The following CTIF variants were observed in gnomAD, a reference collection of about 807,000 sequenced individuals.
CTIF encodes cap binding complex dependent translation initiation factor.
In CTIF, 21 loss-of-function variants were observed where a neutral mutation model predicts 66.0. The observed-to-expected ratio is 0.32, with a 90% CI of 0.23 to 0.46. CTIF has a LOEUF of 0.46. Ranked by LOEUF, CTIF falls within the 20% of genes least tolerant of loss-of-function variation. The probability of loss-of-function intolerance (pLI) is 1.00; values close to 1 mark genes in which losing one functional copy is unlikely to be tolerated. For synonymous variants in CTIF, 345 were observed against 326.4 expected (o/e 1.06, Z -0.62); for missense variants, 739 against 812.7 (o/e 0.91, Z 1.10).
chr18:48,761,564 A>C lies in CTIF; in HGVS notation c.1246A>C (p.Thr416Pro). 6.2e-7 allele frequency: 1 copy of C among 1,614,228 alleles called. No individual in the cohort carries two copies. The highest frequency in any genetic ancestry group is 8.5e-7 in the Non-Finnish European group (1 of 1,180,048). Residue 416 changes from threonine to proline, a missense_variant, in exon 9 of 12, where the codon ACA (threonine) becomes CCA (proline). Thr to Pro is a conservative substitution (Grantham distance 38). This residue lies in a region of CTIF where 210 missense variants were observed against 292.3 expected (regional missense o/e 0.72). Coordinates refer to ENST00000256413, the MANE Select transcript of CTIF (RefSeq NM_014772.3). The surrounding 1 kb of genome is among the most constrained non-coding windows in gnomAD (Gnocchi z 4.2). ...GGAGATGCTGGGCGAGATCGTGCGC[A>C]CAATCTACCAGAAGGCTGTGTCCGA... ...SEEMLGEIVR[T>P]IYQKAVSDRS...
At chr18:48,661,205 A>G (rs1014674529) in intron 3 of CTIF, among the ~76,000 whole-genome samples, 7 of 152,334 alleles carry the variant, frequency 4.6e-5, no homozygotes, top group South Asian at 4.1e-4. Context: ...AGCAGTGACC[A>G]AGAGGTGATC....
intron 1 of CTIF, among the ~76,000 whole-genome samples, chr18:48,555,662 G>A (rs1436585649): frequency 4.6e-5 from 7 of 152,214 alleles, no homozygotes; most frequent in African/African-American, 1.7e-4. Flanking sequence ...TTTTGCTCAG[G>A]AAGCAGAGAT....
chr18:48,664,358 T>C (rs949506721), intron 4 of CTIF, 89 bp from the exon 5 acceptor site: 1 of 1,179,452 alleles, frequency 8.5e-7, no homozygotes, highest in Non-Finnish European at 1.3e-6. Context: ...GCGGATCTGC[T>C]CTGCCAGGTT....
chr18:48,583,607 C>T (rs916450867), intron 1 of CTIF, among the ~76,000 whole-genome samples: 1 of 152,174 alleles, frequency 6.6e-6, no homozygotes, highest in Non-Finnish European at 1.5e-5. Context: ...TCCTCAGGTC[C>T]GCAAGGGCCT....
At chr18:48,746,227 A>G (rs2092595403) in intron 7 of CTIF, among the ~76,000 whole-genome samples, 1 of 152,160 alleles carries the variant, frequency 6.6e-6, no homozygotes, top group African/African-American at 2.4e-5. Context: ...TCCTGTGGTC[A>G]GCACTTTTAG....
In CTIF at chr18:48,587,242, C is replaced by T. The variant is rs182302718; in HGVS notation, c.-28-32296C>T. Among the ~76,000 whole-genome samples, 18 of 152,010 alleles carry T rather than the reference C, an allele frequency of 1.2e-4. No individual in the cohort carries two copies. The East Asian group carries it at 3.1e-3, about 26-fold the overall frequency. On this transcript the variant is annotated intron_variant, in intron 1 of 11. Coordinates refer to ENST00000256413, the MANE Select transcript of CTIF (RefSeq NM_014772.3). ...AACTACAGGTGCGCACCACCATGCC[C>T]GGCTAATTTTTGTATTTTTAGTAGA...
rs9945027 is a variant in CTIF, at chr18:48,642,704, A to G, written c.252+6019A>G. On this transcript the variant is annotated intron_variant, in intron 3 of 11. Coordinates refer to ENST00000256413, the MANE Select transcript of CTIF (RefSeq NM_014772.3). ...CCCTGTATCAGTCAGGATAGCCTAGATAATGCTGCAGTAACAAACAAGCCC... is the reference window on the plus strand; with the variant it reads ...CCCTGTATCAGTCAGGATAGCCTAGGTAATGCTGCAGTAACAAACAAGCCC... Among the ~76,000 whole-genome samples the G allele has an allele frequency of 4.4e-3, 668 of 152,308 alleles. 9 individuals are homozygous for G. Among genetic ancestry groups the G allele is most frequent in the African/African-American group, 0.015 (640 of 41,544 alleles).
intron 6 of CTIF, among the ~76,000 whole-genome samples, chr18:48,687,852 C>T (rs1182185384): frequency 6.6e-6 from 1 of 152,260 alleles, no homozygotes; most frequent in East Asian, 1.9e-4. Context: ...TGTCCTTTGC[C>T]GTTACTAAGA....
At chr18:48,710,173 G>T (rs950973649) in intron 6 of CTIF, among the ~76,000 whole-genome samples, 2 of 152,232 alleles carry the variant, frequency 1.3e-5, no homozygotes, top group Non-Finnish European at 2.9e-5. Flanking sequence ...GGCTGCATGT[G>T]CCCCACCACA....
rs970371681 is a variant in CTIF at position 48,616,160 on chromosome 18, C to T, written c.-28-3378C>T. ...AGAGTTCCTGCAAAACCCGGTTCTC[C>T]GACTGCACCTGTTAGGTGTGCCAGG... On this transcript the variant is annotated intron_variant, in intron 1 of 11. Transcript: ENST00000256413. 1.1e-4 allele frequency among the ~76,000 whole-genome samples: 16 copies of T among 152,340 alleles called. No homozygotes were observed. The East Asian group carries it at 1.5e-3, about 15-fold the overall frequency.
chr18:48,751,479 G>A (rs376529384), intron 7 of CTIF, among the ~76,000 whole-genome samples: 160 of 152,290 alleles, frequency 1.1e-3, no homozygotes, highest in African/African-American at 3.6e-3. Context: ...AGCCCTGTGC[G>A]CTGGAGTCAT....
intron 1 of CTIF, among the ~76,000 whole-genome samples, chr18:48,541,884 T>G (rs1269191807): frequency 1.3e-5 from 2 of 149,328 alleles, no homozygotes; most frequent in Non-Finnish European, 3.0e-5. Context: ...GAGGGTCCTG[T>G]GAGGTAGGAG....
intron 6 of CTIF, chr18:48,673,539 C>G (rs1459304121): frequency 1.3e-5 from 2 of 152,196 alleles, no homozygotes; most frequent in Non-Finnish European, 2.9e-5. Context: ...TGGAATCACA[C>G]ACAGAATTTT....
chr18:48,753,000 C>G (rs965082555), intron 7 of CTIF, among the ~76,000 whole-genome samples: 1 of 152,182 alleles, frequency 6.6e-6, no homozygotes. Context: ...TGCCATCGCT[C>G]GACTAAGCAG....
At chr18:48,743,782 A>AT (rs372611886) in intron 7 of CTIF, among the ~76,000 whole-genome samples, 142 of 151,050 alleles carry the variant, frequency 9.4e-4, no homozygotes, top group South Asian at 2.1e-3. Flanking sequence ...AAAAATAACA[A>AT]TTTTTTTTTT....
At chr18:48,708,576 C>A (rs2092188061) in intron 6 of CTIF, among the ~76,000 whole-genome samples, 1 of 152,202 alleles carries the variant, frequency 6.6e-6, no homozygotes, top group East Asian at 1.9e-4. Context: ...GAGGCTGAGG[C>A]CCCAGGTGGC....
At chr18:48,729,122 G>A (rs1202580458) in intron 7 of CTIF, among the ~76,000 whole-genome samples, 2 of 152,144 alleles carry the variant, frequency 1.3e-5, no homozygotes, top group South Asian at 4.1e-4. Flanking sequence ...CCTCTCCATG[G>A]TGGGGCATCA....
In CTIF at chr18:48,842,333, T is replaced by G. The variant is rs142122192; in HGVS notation, c.1528-15255T>G. 1.2e-3 allele frequency among the ~76,000 whole-genome samples: 188 copies of G among 152,284 alleles called. 1 individual carries two copies. The highest frequency in any genetic ancestry group is 4.4e-3 in the African/African-American group (182 of 41,558). On this transcript the variant is annotated intron_variant, in intron 10 of 11. Transcript: ENST00000256413. ...CGCTCAGCCCCGCTCTTGGCTGCCT[T>G]GAAGCCTGTGAGGCAGGAGGCCTGG...
intron 9 of CTIF, among the ~76,000 whole-genome samples, chr18:48,762,587 A>G (rs1909115691): frequency 6.6e-6 from 1 of 152,228 alleles, no homozygotes; most frequent in Admixed American, 6.5e-5. Flanking sequence ...TAGTTAAGAT[A>G]CAAAGTGAGT....
Sources: gnomAD v4.1 joint callset for allele counts (sites outside exome capture counted in the v4.1 genomes callset) on GRCh38, gnomAD v4.1.1 for gene constraint, gnomAD v4.1.1 regional missense constraint, Gnocchi (gnomAD v3.1) non-coding constraint, MANE v1.5 for transcripts, NCBI Gene and HGNC (gene_info 2026-07-23, HGNC 2026-07-21) for gene names.